L3MBTL2: variants seen among roughly 807,000 people sequenced by gnomAD.
L3MBTL2 encodes the protein L3MBTL histone methyl-lysine binding protein 2.
Under a neutral mutation model 86.4 loss-of-function variants are expected in L3MBTL2, and 49 were observed. The ratio of observed to expected loss-of-function variants is 0.57; its 90% CI spans 0.45 to 0.72. The LOEUF (loss-of-function observed/expected upper bound fraction) is 0.72. Among genes scored for constraint, L3MBTL2 ranks in the 30% least tolerant of loss-of-function variants. The probability of loss-of-function intolerance (pLI) is 0.00; values close to 1 mark genes in which losing one functional copy is unlikely to be tolerated. For synonymous variants in L3MBTL2, 336 were observed against 350.6 expected, an observed-to-expected ratio of 0.96 and a Z score of 0.47; for missense variants, 755 against 923.7, an observed-to-expected ratio of 0.82 and a Z score of 2.37.
intron 2 of L3MBTL2, 156 bp from the exon 3 acceptor site, chr22:41,213,737 C>T (rs2031111254): frequency 1.3e-6 from 1 of 789,012 alleles, no homozygotes; most frequent in Non-Finnish European, 2.1e-6. Flanking sequence ...AGGATATACA[C>T]ACCAGTACCT....
rs543137561 is a variant in L3MBTL2, at chr22:41,225,500, C to T, written c.1357-294C>T. 4.6e-5 allele frequency among the ~76,000 whole-genome samples: 7 copies of T among 152,310 alleles called. No homozygotes were observed. The highest frequency in any genetic ancestry group is 1.3e-4 in the Admixed American group (2 of 15,304). ...GAGGAGGCTGCTGACTCGTCCTCGC[C>T]GCGGATCCGCTCCATGCCGGGCGCG... On this transcript the variant is annotated intron_variant, in intron 11 of 16. Coordinates refer to ENST00000216237, the MANE Select transcript of L3MBTL2 (RefSeq NM_031488.5). This position sits in a 1 kb window ranked among gnomAD's most constrained non-coding sequence, Gnocchi z 4.1.
rs556589671 is a variant in L3MBTL2 at position 41,230,865 on chromosome 22, G to C, written c.*614G>C. On this transcript the variant is annotated 3_prime_UTR_variant, in exon 17 of 17. Transcript: ENST00000216237. ...AGCTAAGAAGCAGTGACCAGGATGTGGATTTTGGCGACCTGTGTGGTGGCC... is the reference window on the plus strand; with the variant it reads ...AGCTAAGAAGCAGTGACCAGGATGTCGATTTTGGCGACCTGTGTGGTGGCC... The C allele has an allele frequency of 6.6e-6, 1 of 152,374 alleles. No individual in the cohort carries two copies. Among genetic ancestry groups the C allele is most frequent in the Admixed American group, 6.5e-5 (1 of 15,278 alleles). The allele number at this position is 152,374 out of a possible 1,614,324, so 9.4% of individuals were successfully genotyped here.
intron 2 of L3MBTL2, among the ~76,000 whole-genome samples, chr22:41,211,785 C>T (rs376732579): frequency 2.9e-4 from 43 of 148,972 alleles, no homozygotes; most frequent in African/African-American, 1.0e-3. Flanking sequence ...TCTCGATCTC[C>T]TGACCTTGTG....
In L3MBTL2 at chr22:41,220,755, A is replaced by G. The variant is rs779568000; in HGVS notation, c.740A>G (p.Tyr247Cys). The G allele has an allele frequency of 1.9e-6, 3 of 1,613,220 alleles. No individual in the cohort carries two copies. The highest frequency in any genetic ancestry group is 1.7e-6 in the Non-Finnish European group (2 of 1,179,800). Residue 247 changes from tyrosine to cysteine, a missense_variant, in exon 7 of 17, where the codon TAT becomes TGT. By Grantham distance (194) the Tyr-to-Cys change is radical. This residue lies in a region of L3MBTL2 where 634 missense variants were observed against 748.9 expected (regional missense o/e 0.85). Coordinates refer to ENST00000216237, the MANE Select transcript of L3MBTL2 (RefSeq NM_031488.5). ...QTAGYRVLLR[Y>C]EGFENDASHD... ...TCAGGGTATCGGGTGCTGCTTCGGT[A>G]TGAAGGCTTTGAAAATGACGCCAGC...
At chr22:41,209,650 A>G (rs1167605978) in intron 1 of L3MBTL2, 46 bp from the exon 2 acceptor site, 2 of 1,570,830 alleles carry the variant, frequency 1.3e-6, no homozygotes, top group Non-Finnish European at 1.7e-6. Context: ...CGTGCACTAA[A>G]GCCAATCATA....
chr22:41,216,913 A>G (rs2031418991), intron 4 of L3MBTL2: 1 of 505,218 alleles, frequency 2.0e-6, no homozygotes. Context: ...GAGTCTTGCC[A>G]CCTTTCAATT....
intron 2 of L3MBTL2, among the ~76,000 whole-genome samples, chr22:41,213,013 T>C (rs1481212663): frequency 3.3e-5 from 5 of 151,462 alleles, no homozygotes; most frequent in Non-Finnish European, 5.9e-5. Context: ...GTCAGGAGAT[T>C]GAGACCATCC....
In L3MBTL2 at chr22:41,205,349, G is replaced by A; in HGVS notation, c.-14G>A. ...CTTCCTGCACCTGGTGACGCTTGGCGAAACTGAGGTCTCATGGAGAAGCCC... is the reference window on the plus strand; with the variant it reads ...CTTCCTGCACCTGGTGACGCTTGGCAAAACTGAGGTCTCATGGAGAAGCCC... On this transcript the variant is annotated 5_prime_UTR_variant, in exon 1 of 17. Transcript: ENST00000216237. 1 of 1,614,190 alleles carries A rather than the reference G, an allele frequency of 6.2e-7. No homozygotes were observed. The highest frequency in any genetic ancestry group is 8.5e-7 in the Non-Finnish European group (1 of 1,180,038).
rs143455680 is a variant in L3MBTL2 at position 41,209,772 on chromosome 22, G to C, written c.101G>C (p.Arg34Pro). The C allele has an allele frequency of 4.1e-3, 6,579 of 1,614,122 alleles. 262 individuals carry two copies. The Admixed American group carries it at 0.088, about 22-fold the overall frequency. ...LELFGGYDSF[R>P]SYNSSVGSES... ...CTGTTTGGTGGCTATGATAGTTTCC[G>C]GAGTTATAACAGCAGTGTGGGCAGT... The change falls in exon 2 of 17, where the codon CGG becomes CCG. Residue 34 changes from arginine to proline, a missense_variant. This residue lies in a region of L3MBTL2 where 103 missense variants were observed against 105.2 expected (regional missense o/e 0.98). Transcript: ENST00000216237.
At position 41,230,127 on chromosome 22, in the gene L3MBTL2, C is replaced by G; in HGVS notation, c.2006-12C>G. The G allele has an allele frequency of 6.4e-7, 1 of 1,554,434 alleles. No homozygotes were observed. Among genetic ancestry groups the G allele is most frequent in the Non-Finnish European group, 8.9e-7 (1 of 1,127,124 alleles). On this transcript the variant is annotated splice_polypyrimidine_tract_variant and intron_variant, in intron 16 of 16. Coordinates refer to ENST00000216237, the MANE Select transcript of L3MBTL2 (RefSeq NM_031488.5). ...TTACTCGCCCACCCACCCGCCTCCC[C>G]TCCCTCTTCAGTCATTGCTGTGCGT...
Position 41,224,620 on chromosome 22 carries a change from C to A in L3MBTL2, c.1175-105C>A. On this transcript the variant is annotated intron_variant, in intron 9 of 16. Coordinates refer to ENST00000216237, the MANE Select transcript of L3MBTL2 (RefSeq NM_031488.5). This position sits in a 1 kb window ranked among gnomAD's most constrained non-coding sequence, Gnocchi z 4.9. ...TGAGATACAGAGATACAGCTGAGAACACGTGCAGAGCAGCCCCACATTCCC... is the reference window on the plus strand; with the variant it reads ...TGAGATACAGAGATACAGCTGAGAAAACGTGCAGAGCAGCCCCACATTCCC... 1.2e-6 allele frequency: 1 copy of A among 810,904 alleles called. No homozygotes were observed. The allele number at this position is 810,904 out of a possible 1,614,324, so 50.2% of individuals were successfully genotyped here.
At chr22:41,219,581 G>A in intron 6 of L3MBTL2, 45 bp downstream of exon 6, 1 of 1,229,622 alleles carries the variant, frequency 8.1e-7, no homozygotes, top group African/African-American at 1.5e-5. Flanking sequence ...TCTGCAGAGT[G>A]ACATCTCTAG....
In L3MBTL2 at chr22:41,227,333, C is replaced by T. The variant is rs774562073; in HGVS notation, c.1822+10C>T. On this transcript the variant is annotated intron_variant, in intron 14 of 16. Coordinates refer to ENST00000216237, the MANE Select transcript of L3MBTL2 (RefSeq NM_031488.5). This position sits in a 1 kb window ranked among gnomAD's most constrained non-coding sequence, Gnocchi z 6.0. ...CCTCCTGTGGCCGCAGGTGTGGGCT[C>T]TCGTGGCCCTAAGAGGCTCTGACTT... 9 of 1,581,798 alleles carry T rather than the reference C, an allele frequency of 5.7e-6. No homozygotes were observed. The South Asian group carries it at 1.0e-4, about 18-fold the overall frequency.
intron 2 of L3MBTL2, among the ~76,000 whole-genome samples, chr22:41,211,061 C>G (rs4820433): frequency 0.32 from 48,687 of 151,948 alleles, 8,058 homozygotes; most frequent in Admixed American, 0.43. Flanking sequence ...TATGGATCAT[C>G]TGGAAGCCAG....
At chr22:41,211,334 G>A (rs1048614202) in intron 2 of L3MBTL2, among the ~76,000 whole-genome samples, 2 of 151,844 alleles carry the variant, frequency 1.3e-5, no homozygotes, top group East Asian at 3.9e-4. Context: ...CTGAGTAGCT[G>A]AGACTACAGG....
rs1214836600 is a variant in L3MBTL2, at chr22:41,227,350, C to T, written c.1822+27C>T. ...TGTGGGCTCTCGTGGCCCTAAGAGG[C>T]TCTGACTTTCTTTCCTCTTCTTTTT... On this transcript the variant is annotated intron_variant, in intron 14 of 16. Coordinates refer to ENST00000216237, the MANE Select transcript of L3MBTL2 (RefSeq NM_031488.5). The surrounding 1 kb of genome is among the most constrained non-coding windows in gnomAD (Gnocchi z 6.0). 1 of 1,544,786 alleles carries T rather than the reference C, an allele frequency of 6.5e-7. No individual in the cohort carries two copies. The highest frequency in any genetic ancestry group is 1.4e-5 in the African/African-American group (1 of 72,922).
At chr22:41,220,383 G>A (rs7286756) in intron 6 of L3MBTL2, among the ~76,000 whole-genome samples, 1 of 151,898 alleles carries the variant, frequency 6.6e-6, no homozygotes, top group African/African-American at 2.4e-5. Flanking sequence ...GAAAAGAGAA[G>A]GCTTAAGAAC....
chr22:41,212,715 G>A (rs1012348010), intron 2 of L3MBTL2, among the ~76,000 whole-genome samples: 4 of 151,760 alleles, frequency 2.6e-5, no homozygotes, highest in Admixed American at 1.3e-4. Context: ...TCAACATGGC[G>A]AAACCCCGTC....
Position 41,216,261 on chromosome 22 carries a change from C to A in L3MBTL2, c.519C>A (p.Asp173Glu). Residue 173 changes from aspartate (D) to glutamate (E), a missense_variant and splice_region_variant, in exon 4 of 17, where the codon GAC becomes GAA. Physicochemically the swap from Asp to Glu is conservative, Grantham distance 45. Coordinates refer to ENST00000216237, the MANE Select transcript of L3MBTL2 (RefSeq NM_031488.5). ...CAGATGGGACACCAACAGGACAAGA[C>A]GGTAAGATAGCAGAGGGCCCTGCTT... ...QLADGTPTGQ[D>E]ALVLGFDWGK... 6.2e-7 allele frequency: 1 copy of A among 1,613,404 alleles called. No homozygotes were observed.
Sources: allele counts gnomAD v4.1 joint callset (sites outside exome capture counted in the v4.1 genomes callset), GRCh38; gene constraint gnomAD v4.1.1; regional missense constraint gnomAD v4.1.1; non-coding constraint Gnocchi (gnomAD v3.1); transcripts MANE v1.5; gene names NCBI Gene and HGNC (gene_info 2026-07-23, HGNC 2026-07-21).